The following AMELY variants were observed in gnomAD, a reference collection of about 807,000 sequenced individuals.
AMELY encodes amelogenin, Y isoform.
In AMELY, 4 loss-of-function variants were observed where a neutral mutation model predicts 4.2. The observed-to-expected ratio is 0.96, with a 90% CI of 0.47 to 2.19. The LOEUF (loss-of-function observed/expected upper bound fraction) is 2.19, where lower values mean the gene tolerates loss of function less well. AMELY is among the 30% of genes most tolerant of loss of function. The pLI is 0.02. For missense variants in AMELY, 32 were observed against 41.5 expected, an observed-to-expected ratio of 0.77 and a Z score of 0.63; for synonymous variants, 11 against 14.7, an observed-to-expected ratio of 0.75 and a Z score of 0.57.
chrY:6,870,031 G>A lies in AMELY; in HGVS notation c.77C>T (p.Pro26Leu), dbSNP rs1227959296. The A allele has an allele frequency of 2.5e-6, 1 of 394,188 alleles. No homozygotes were observed. The highest frequency in any genetic ancestry group is 6.5e-5 in the African/African-American group (1 of 15,315). Residue 26 changes from proline (P) to leucine (L), a missense_variant, in exon 4 of 7, where the codon CCT becomes CTT. Coordinates refer to ENST00000651267, the MANE Select transcript of AMELY (RefSeq NM_001143.2). Reference protein sequence around the residue: ...AMPLPPHPGHPGYINFSYEVL... With the variant: ...AMPLPPHPGHLGYINFSYEVL... The stretch of plus-strand genomic sequence containing the variant: ...CTCATAGCTGAAGTTGATATAACCA[G>A]GGTGCCCAGGATGAGGTGGTAGCTT...
chrY:6,877,594 T>G, intron 1 of AMELY, among the ~76,000 whole-genome samples: 2 of 32,777 alleles, frequency 6.1e-5, no homozygotes, highest in Non-Finnish European at 1.5e-4. Flanking sequence ...TGCTATAACA[T>G]ATATCATACC....
intron 1 of AMELY, among the ~76,000 whole-genome samples, chrY:6,879,646 A>G (rs2054073904): frequency 6.0e-5 from 2 of 33,354 alleles, no homozygotes; most frequent in African/African-American, 2.3e-4. Context: ...TTCTTCTAGA[A>G]TTTTCATGGT....
intron 1 of AMELY, among the ~76,000 whole-genome samples, chrY:6,874,762 A>T: frequency 3.0e-5 from 1 of 33,413 alleles, no homozygotes; most frequent in African/African-American, 1.2e-4. Context: ...CTTTAGTTGC[A>T]TTGTTTTCAT....
chrY:6,866,421 C>T, intron 6 of AMELY, among the ~76,000 whole-genome samples: 6 of 32,675 alleles, frequency 1.8e-4, no homozygotes, highest in Admixed American at 8.7e-4. Context: ...AAATTTTATA[C>T]GAAAAGAAAC....
At chrY:6,880,423 T>C (rs2054074356) in intron 1 of AMELY, among the ~76,000 whole-genome samples, 1 of 33,577 alleles carries the variant, frequency 3.0e-5, no homozygotes, top group Non-Finnish European at 7.4e-5. Flanking sequence ...AAATCTCACA[T>C]ATCATGCAGT....
chrY:6,910,347 G>T, intron 1 of AMELY, among the ~76,000 whole-genome samples: 1 of 32,153 alleles, frequency 3.1e-5, no homozygotes, highest in African/African-American at 1.2e-4. Context: ...TCCTTTTTCG[G>T]TTGGGGGAAG....
intron 1 of AMELY, among the ~76,000 whole-genome samples, chrY:6,885,407 A>G (rs775547676): frequency 9.8e-3 from 338 of 34,327 alleles, no homozygotes; most frequent in Middle Eastern, 0.043. Flanking sequence ...CCCAGGAGGC[A>G]GAGCTTGCAG....
intron 4 of AMELY, among the ~76,000 whole-genome samples, chrY:6,869,330 T>C (rs768239412): frequency 3.0e-5 from 1 of 33,476 alleles, no homozygotes; most frequent in Non-Finnish European, 7.4e-5. Flanking sequence ...CTTATTAACA[T>C]TTGTCAGCAG....
At chrY:6,899,984 T>C in intron 1 of AMELY, among the ~76,000 whole-genome samples, 1 of 33,594 alleles carries the variant, frequency 3.0e-5, no homozygotes, top group Admixed American at 2.8e-4. Context: ...GTTGGGATTC[T>C]CTCAGGATGG....
At chrY:6,883,986 A>G in intron 1 of AMELY, among the ~76,000 whole-genome samples, 1 of 32,410 alleles carries the variant, frequency 3.1e-5, no homozygotes, top group African/African-American at 1.2e-4. Flanking sequence ...TGTGTCAGAT[A>G]TTGCATGAGG....
chrY:6,885,208 A>G (rs2054078278), intron 1 of AMELY, among the ~76,000 whole-genome samples: 2 of 34,364 alleles, frequency 5.8e-5, no homozygotes, highest in African/African-American at 1.1e-4. Context: ...GGCCAGATGC[A>G]GTGACTCATG....
intron 1 of AMELY, among the ~76,000 whole-genome samples, chrY:6,897,344 G>A (rs1021179146): frequency 3.0e-5 from 1 of 33,334 alleles, no homozygotes; most frequent in African/African-American, 1.2e-4. Context: ...TACCCTATAG[G>A]CTGCCTATTT....
chrY:6,906,330 G>A, intron 1 of AMELY, among the ~76,000 whole-genome samples: 4 of 33,130 alleles, frequency 1.2e-4, no homozygotes, highest in Admixed American at 5.5e-4. Context: ...CCATATATAT[G>A]TATGTATACA....
intron 1 of AMELY, among the ~76,000 whole-genome samples, chrY:6,887,681 G>A (rs2054080862): frequency 6.2e-5 from 2 of 32,219 alleles, no homozygotes; most frequent in African/African-American, 2.4e-4. Context: ...ATTTGCCCCC[G>A]ACTGGCCCCA....
At chrY:6,879,227 G>A (rs1603021957) in intron 1 of AMELY, among the ~76,000 whole-genome samples, 1 of 32,819 alleles carries the variant, frequency 3.0e-5, no homozygotes, top group East Asian at 8.0e-4. Context: ...CATTCTAACT[G>A]GTGTGAGATG....
intron 2 of AMELY, among the ~76,000 whole-genome samples, chrY:6,873,175 A>G: frequency 6.0e-5 from 2 of 33,345 alleles, no homozygotes; most frequent in Non-Finnish European, 1.5e-4. Context: ...TTCTAGCCTT[A>G]TAGAGCTTCA....
intron 1 of AMELY, among the ~76,000 whole-genome samples, chrY:6,891,868 C>T: frequency 5.8e-5 from 2 of 34,339 alleles, no homozygotes; most frequent in Non-Finnish European, 1.5e-4. Context: ...GCTCTACCAG[C>T]TGGCACCTCA....
chrY:6,884,376 C>T, intron 1 of AMELY, among the ~76,000 whole-genome samples: 1 of 31,610 alleles, frequency 3.2e-5, no homozygotes, highest in African/African-American at 1.3e-4. Context: ...ATGTGTATAC[C>T]TATGCAAAAA....
In AMELY at chrY:6,868,056, T is replaced by G; in HGVS notation, c.554A>C (p.Lys185Thr). Residue 185 changes from lysine (K) to threonine (T), a missense_variant, in exon 6 of 7, where the codon AAG becomes ACG. Coordinates refer to ENST00000651267, the MANE Select transcript of AMELY (RefSeq NM_001143.2). ...ACTCACCACTTCCTCCTGCTTGGTC[T>G]TGTCTGTTGCTGGCCAAGCTTCCAG... is the stretch of plus-strand genomic sequence containing the variant. ...LHLEAWPATD[K>T]TKQEEVD The G allele has an allele frequency of 2.5e-6, 1 of 393,368 alleles. No individual in the cohort carries two copies. Among genetic ancestry groups the G allele is most frequent in the Non-Finnish European group, 3.6e-6 (1 of 280,864 alleles).
Sources: allele counts gnomAD v4.1 joint callset (sites outside exome capture counted in the v4.1 genomes callset), GRCh38; gene constraint gnomAD v4.1.1; transcripts MANE v1.5; gene names NCBI Gene and HGNC (gene_info 2026-07-23, HGNC 2026-07-21).